The following TUBB2A variants were observed in gnomAD, a reference collection of about 807,000 sequenced individuals.
TUBB2A encodes the protein tubulin beta 2A class IIa, also known as tubulin beta-2A chain.
In TUBB2A, 7 loss-of-function variants were observed where a neutral mutation model predicts 33.9. That is an observed-to-expected ratio of 0.21 (90% CI 0.12 to 0.39). The LOEUF (loss-of-function observed/expected upper bound fraction) is 0.39, where lower values mean the gene tolerates loss of function less well. Ranked by LOEUF, TUBB2A falls within the 10% of genes least tolerant of loss-of-function variation. The pLI is 1.00. For missense variants in TUBB2A, 80 were observed against 593.4 expected, an observed-to-expected ratio of 0.13 and a Z score of 8.99; for synonymous variants, 187 against 247.6, an observed-to-expected ratio of 0.76 and a Z score of 2.30.
chr6:3,154,178 G>A lies in TUBB2A; in HGVS notation c.1023C>T (p.Phe341=), dbSNP rs1198417076. The A allele has an allele frequency of 8.5e-6, 7 of 822,546 alleles. No homozygotes were observed. Among genetic ancestry groups the A allele is most frequent in the Admixed American group, 2.8e-5 (1 of 36,220 alleles). The allele number at this position is 822,546 out of a possible 1,614,324, so 51.0% of individuals were successfully genotyped here. The change falls in exon 4 of 4, where the codon TTC becomes TTT. Residue 341 remains phenylalanine, a synonymous_variant. Transcript: ENST00000333628. The part of the protein sequence containing the change: ...LNVQNKNSSY[F]VEWIPNNVKT... ...TCACGTTGTTGGGGATCCACTCCAC[G>A]AAGTAGCTGCTGTTCTTGTTCTGCA...
chr6:3,155,196 C>T lies in TUBB2A; in HGVS notation c.278-273G>A. 1 of 860,528 alleles carries T rather than the reference C, an allele frequency of 1.2e-6. No homozygotes were observed. Among genetic ancestry groups the T allele is most frequent in the Non-Finnish European group, 1.7e-6 (1 of 579,448 alleles). 53.3% of individuals were successfully genotyped at this position (860,528 alleles called of 1,614,324 possible). A position where few individuals can be genotyped will look rare whatever the true frequency, so the allele number is the denominator to read the frequency against. On this transcript the variant is annotated intron_variant, in intron 3 of 3. Transcript: ENST00000333628. The surrounding 1 kb of genome is among the most constrained non-coding windows in gnomAD (Gnocchi z 4.2). ...AACTTAATTGGTTCTGAAATACATA[C>T]ATTTTTAAGAGGCATTCTCTTTATA... is the stretch of plus-strand genomic sequence containing the variant.
In TUBB2A at chr6:3,155,962, G is replaced by C. The variant is rs912299018; in HGVS notation, c.166+82C>G. ...ATGAATATGCAAGAAGCATGCCTTT[G>C]TCACGTGCATGTTCCTGGGACGTTT... is the stretch of plus-strand genomic sequence containing the variant. On this transcript the variant is annotated intron_variant, in intron 2 of 3. Coordinates refer to ENST00000333628, the MANE Select transcript of TUBB2A (RefSeq NM_001069.3). This position sits in a 1 kb window ranked among gnomAD's most constrained non-coding sequence, Gnocchi z 4.2. The C allele has an allele frequency of 2.1e-6, 3 of 1,440,824 alleles. No individual in the cohort carries two copies. The African/African-American group carries it at 4.2e-5, about 20-fold the overall frequency. The allele number at this position is 1,440,824 out of a possible 1,614,324, so 89.3% of individuals were successfully genotyped here.
At position 3,157,388 on chromosome 6, in the gene TUBB2A, TCC is replaced by T. The variant is rs1404807528; in HGVS notation, c.57+17_57+18del. On this transcript the variant is annotated intron_variant, in intron 1 of 3. Coordinates refer to ENST00000333628, the MANE Select transcript of TUBB2A (RefSeq NM_001069.3). ...ACCCTCGGTCCCAACCCCGGGCCCC[TCC>T]GTGGCGGTGAGCCCACCTTGGCGCC... 6.6e-7 allele frequency: 1 copy of T among 1,514,764 alleles called. No homozygotes were observed. Among genetic ancestry groups the T allele is most frequent in the African/African-American group, 1.4e-5 (1 of 69,028 alleles). 93.8% of individuals were successfully genotyped at this position (1,514,764 alleles called of 1,614,324 possible). A position where few individuals can be genotyped will look rare whatever the true frequency, so the allele number is the denominator to read the frequency against.
At position 3,155,487 on chromosome 6, in the gene TUBB2A, G is replaced by A. The variant is rs913472841; in HGVS notation, c.277+138C>T. On this transcript the variant is annotated intron_variant, in intron 3 of 3. Coordinates refer to ENST00000333628, the MANE Select transcript of TUBB2A (RefSeq NM_001069.3). This position sits in a 1 kb window ranked among gnomAD's most constrained non-coding sequence, Gnocchi z 4.2. ...TGTGAGCCATGACCACCCATGGACT[G>A]CATGGAGCTAGGCCAGGACTCAGGG... is the stretch of plus-strand genomic sequence containing the variant. 9 of 594,540 alleles carry A rather than the reference G, an allele frequency of 1.5e-5. No individual in the cohort carries two copies. Among genetic ancestry groups the A allele is most frequent in the Non-Finnish European group, 2.0e-5 (7 of 347,306 alleles). 36.8% of individuals were successfully genotyped at this position (594,540 alleles called of 1,614,324 possible). A position where few individuals can be genotyped will look rare whatever the true frequency, so the allele number is the denominator to read the frequency against.
Position 3,154,907 on chromosome 6 carries a change from C to T in TUBB2A, c.294G>A (p.Gly98=). 1 of 1,613,920 alleles carries T rather than the reference C, an allele frequency of 6.2e-7. No homozygotes were observed. Among genetic ancestry groups the T allele is most frequent in the Non-Finnish European group, 8.5e-7 (1 of 1,179,984 alleles). ...DNFVFGQSGA[G]NNWAKGHYTE... ...TGTAGTGGCCCTTGGCCCAGTTATT[C>T]CCGGCTCCACTCTGGCCTGCCAGAG... Residue 98 remains glycine, a synonymous_variant, in exon 4 of 4, where the codon GGG becomes GGA. Coordinates refer to ENST00000333628, the MANE Select transcript of TUBB2A (RefSeq NM_001069.3).
rs1268728586 is a variant in TUBB2A, at chr6:3,157,395, C to T, written c.57+12G>A. On this transcript the variant is annotated intron_variant, in intron 1 of 3. Coordinates refer to ENST00000333628, the MANE Select transcript of TUBB2A (RefSeq NM_001069.3). ...GTCCCAACCCCGGGCCCCTCCGTGG[C>T]GGTGAGCCCACCTTGGCGCCGATCT... 6.6e-7 allele frequency: 1 copy of T among 1,525,204 alleles called. No homozygotes were observed. 94.5% of individuals were successfully genotyped at this position (1,525,204 alleles called of 1,614,324 possible).
At position 3,155,978 on chromosome 6, in the gene TUBB2A, TG is replaced by T; in HGVS notation, c.166+65del. On this transcript the variant is annotated intron_variant, in intron 2 of 3. Coordinates refer to ENST00000333628, the MANE Select transcript of TUBB2A (RefSeq NM_001069.3). The surrounding 1 kb of genome is among the most constrained non-coding windows in gnomAD (Gnocchi z 4.2). ...CATGCCTTTGTCACGTGCATGTTCCTGGGACGTTTCATCTCCCACATCATGG... is the reference window on the plus strand; with the variant it reads ...CATGCCTTTGTCACGTGCATGTTCCTGGACGTTTCATCTCCCACATCATGG... 2 of 1,433,420 alleles carry T rather than the reference TG, an allele frequency of 1.4e-6. No homozygotes were observed. Among genetic ancestry groups the T allele is most frequent in the Non-Finnish European group, 9.5e-7 (1 of 1,055,702 alleles). 88.8% of individuals were successfully genotyped at this position (1,433,420 alleles called of 1,614,324 possible).
chr6:3,156,540 A>T (rs1414624937), intron 1 of TUBB2A, among the ~76,000 whole-genome samples: 1 of 152,084 alleles, frequency 6.6e-6, no homozygotes, highest in African/African-American at 2.4e-5. Flanking sequence ...CAGGCCAAGG[A>T]CAGGGGGACC....
At position 3,157,414 on chromosome 6, in the gene TUBB2A, C is replaced by A; in HGVS notation, c.50G>T (p.Gly17Val). 6.5e-7 allele frequency: 1 copy of A among 1,541,676 alleles called. No homozygotes were observed. ...IQAGQCGNQI[G>V]AKFWEVISDE... ...CCGTGGCGGTGAGCCCACCTTGGCG[C>A]CGATCTGGTTGCCGCACTGGCCCGC... Residue 17 changes from glycine (G) to valine (V), a missense_variant, in exon 1 of 4, where the codon GGC (glycine) becomes GTC (valine). Around this residue, in one of 5 missense-constraint regions of TUBB2A, gnomAD observed 13 missense variants for 26.6 expected, o/e 0.49. Coordinates refer to ENST00000333628, the MANE Select transcript of TUBB2A (RefSeq NM_001069.3).
At position 3,155,931 on chromosome 6, in the gene TUBB2A, T is replaced by G. The variant is rs1762625179; in HGVS notation, c.166+113A>C. ...AAACATGTTTTTCCAGCAGTTGGCATTTGAAATGAATATGCAAGAAGCATG... is the reference window on the plus strand; with the variant it reads ...AAACATGTTTTTCCAGCAGTTGGCAGTTGAAATGAATATGCAAGAAGCATG... On this transcript the variant is annotated intron_variant, in intron 2 of 3. Coordinates refer to ENST00000333628, the MANE Select transcript of TUBB2A (RefSeq NM_001069.3). The surrounding 1 kb of genome is among the most constrained non-coding windows in gnomAD (Gnocchi z 4.2). The G allele has an allele frequency of 6.7e-7, 1 of 1,492,522 alleles. No individual in the cohort carries two copies. Among genetic ancestry groups the G allele is most frequent in the South Asian group, 1.3e-5 (1 of 74,860 alleles). 92.5% of individuals were successfully genotyped at this position (1,492,522 alleles called of 1,614,324 possible).
rs1316762833 is a variant in TUBB2A at position 3,155,944 on chromosome 6, T to G, written c.166+100A>C. 2 of 1,475,802 alleles carry G rather than the reference T, an allele frequency of 1.4e-6. No homozygotes were observed. The allele number at this position is 1,475,802 out of a possible 1,614,324, so 91.4% of individuals were successfully genotyped here. On this transcript the variant is annotated intron_variant, in intron 2 of 3. Transcript: ENST00000333628. This position sits in a 1 kb window ranked among gnomAD's most constrained non-coding sequence, Gnocchi z 4.2. The stretch of plus-strand genomic sequence containing the variant: ...CAGCAGTTGGCATTTGAAATGAATA[T>G]GCAAGAAGCATGCCTTTGTCACGTG...
chr6:3,153,721 T>A lies in TUBB2A; in HGVS notation c.*142A>T. On this transcript the variant is annotated 3_prime_UTR_variant, in exon 4 of 4. Transcript: ENST00000333628. ...ATACCTTCACAGACAATACTGTAATTTTTAGAGGAGTTCCACATCATTACA... is the reference window on the plus strand; with the variant it reads ...ATACCTTCACAGACAATACTGTAATATTTAGAGGAGTTCCACATCATTACA... 8 of 1,317,120 alleles carry A rather than the reference T, an allele frequency of 6.1e-6. No individual in the cohort carries two copies. Among genetic ancestry groups the A allele is most frequent in the Non-Finnish European group, 7.3e-6 (7 of 962,080 alleles). 81.6% of individuals were successfully genotyped at this position (1,317,120 alleles called of 1,614,324 possible).
At chr6:3,156,961 C>T (rs1263306648) in intron 1 of TUBB2A, among the ~76,000 whole-genome samples, 1 of 152,206 alleles carries the variant, frequency 6.6e-6, no homozygotes, top group East Asian at 1.9e-4. Flanking sequence ...AAGACAGTGC[C>T]CGAGCAAGGG....
rs1409197109 is a variant in TUBB2A, at chr6:3,155,579, A to G, written c.277+46T>C. On this transcript the variant is annotated intron_variant, in intron 3 of 3. Transcript: ENST00000333628. The surrounding 1 kb of genome is among the most constrained non-coding windows in gnomAD (Gnocchi z 4.2). ...ACTGTGCTTTGCAGGGCTGTTAGGA[A>G]GAAGGTGTGTCATTTGGCCAGTTCC... 1 of 1,455,948 alleles carries G rather than the reference A, an allele frequency of 6.9e-7. No individual in the cohort carries two copies. The highest frequency in any genetic ancestry group is 9.6e-7 in the Non-Finnish European group (1 of 1,045,602). 90.2% of individuals were successfully genotyped at this position (1,455,948 alleles called of 1,614,324 possible).
intron 3 of TUBB2A, 74 bp from the exon 4 acceptor site, chr6:3,154,997 A>G: frequency 1.9e-6 from 3 of 1,596,482 alleles, no homozygotes; most frequent in Non-Finnish European, 2.6e-6. Context: ...ACTATGGAGG[A>G]GAAGGTAGGA....
At chr6:3,156,657 G>A (rs1385602986) in intron 1 of TUBB2A, among the ~76,000 whole-genome samples, 1 of 152,264 alleles carries the variant, frequency 6.6e-6, no homozygotes, top group African/African-American at 2.4e-5. Context: ...ACTGACCACC[G>A]GAGGGACTGG....
chr6:3,154,988 C>T, intron 3 of TUBB2A, 65 bp from the exon 4 acceptor site: 1 of 1,603,864 alleles, frequency 6.2e-7, no homozygotes, highest in Non-Finnish European at 8.5e-7. Flanking sequence ...GTCATTTTGA[C>T]TATGGAGGAG....
rs1394023142 is a variant in TUBB2A, at chr6:3,153,747, T to A, written c.*116A>T. 1 of 1,476,838 alleles carries A rather than the reference T, an allele frequency of 6.8e-7. No homozygotes were observed. Among genetic ancestry groups the A allele is most frequent in the Non-Finnish European group, 9.2e-7 (1 of 1,084,646 alleles). The allele number at this position is 1,476,838 out of a possible 1,614,324, so 91.5% of individuals were successfully genotyped here. ...TTTAGAGGAGTTCCACATCATTACA[T>A]CAACAGTGTGAATTTCTAACAGAGG... On this transcript the variant is annotated 3_prime_UTR_variant, in exon 4 of 4. Transcript: ENST00000333628.
intron 1 of TUBB2A, among the ~76,000 whole-genome samples, chr6:3,156,889 G>A (rs972477427): frequency 6.6e-6 from 1 of 152,034 alleles, no homozygotes; most frequent in Non-Finnish European, 1.5e-5. Flanking sequence ...CCCCCACCCA[G>A]CGCAGTCACC....
Sources: allele counts gnomAD v4.1 joint callset (sites outside exome capture counted in the v4.1 genomes callset), GRCh38; gene constraint gnomAD v4.1.1; regional missense constraint gnomAD v4.1.1; non-coding constraint Gnocchi (gnomAD v3.1); transcripts MANE v1.5; gene names NCBI Gene and HGNC (gene_info 2026-07-23, HGNC 2026-07-21).